NRG1: variants seen among roughly 807,000 people sequenced by gnomAD.
NRG1 encodes neuregulin 1.
A neutral mutation model predicts 63.8 loss-of-function variants in NRG1; 18 were observed. The ratio of observed to expected loss-of-function variants is 0.28; its 90% CI spans 0.19 to 0.42. The LOEUF (loss-of-function observed/expected upper bound fraction) is 0.42, where lower values mean the gene tolerates loss of function less well. Among genes scored for constraint, NRG1 ranks in the 10% least tolerant of loss-of-function variants. The probability of loss-of-function intolerance (pLI) is 1.00; values close to 1 mark genes in which losing one functional copy is unlikely to be tolerated. For missense variants in NRG1, 762 were observed against 814.7 expected (o/e 0.94, Z 0.79); for synonymous variants, 302 against 301.3 (o/e 1.00, Z -0.02).
chr8:32,746,646 C>T (rs551950361), intron 7 of NRG1, among the ~76,000 whole-genome samples: 1 of 152,066 alleles, frequency 6.6e-6, no homozygotes, highest in South Asian at 2.1e-4. Context: ...TTTTATATTG[C>T]TCAGAGCACA....
intron 5 of NRG1, among the ~76,000 whole-genome samples, chr8:32,716,325 G>A (rs1485011423): frequency 6.6e-6 from 1 of 152,186 alleles, no homozygotes; most frequent in Non-Finnish European, 1.5e-5. Context: ...ATGGAAATGT[G>A]AGGAACCGAA....
At chr8:32,626,583 G>C (rs997695911) in intron 5 of NRG1, among the ~76,000 whole-genome samples, 1 of 152,204 alleles carries the variant, frequency 6.6e-6, no homozygotes, top group Non-Finnish European at 1.5e-5. Context: ...GGGAGGCTGA[G>C]GCAGGAGAAT....
intron 1 of NRG1, among the ~76,000 whole-genome samples, chr8:31,715,078 T>C (rs375480013): frequency 6.6e-6 from 1 of 152,136 alleles, no homozygotes; most frequent in Non-Finnish European, 1.5e-5. Flanking sequence ...CCCAGAGTTA[T>C]TGCTATATTT....
At chr8:32,130,134 T>A (rs1834617989) in intron 1 of NRG1, among the ~76,000 whole-genome samples, 1 of 151,972 alleles carries the variant, frequency 6.6e-6, no homozygotes, top group Non-Finnish European at 1.5e-5. Context: ...TGGTTAGACA[T>A]TCCTTTCGTT....
At chr8:32,376,098 A>AGCTT (rs1368197794) in intron 1 of NRG1, among the ~76,000 whole-genome samples, 1 of 152,272 alleles carries the variant, frequency 6.6e-6, no homozygotes, top group Non-Finnish European at 1.5e-5. Context: ...AACATTTAAA[A>AGCTT]GCTTATAAAA....
intron 1 of NRG1, among the ~76,000 whole-genome samples, chr8:31,962,460 C>A (rs904901091): frequency 6.6e-6 from 1 of 152,058 alleles, no homozygotes; most frequent in African/African-American, 2.4e-5. Context: ...CAGTTAGTAA[C>A]TAATAAACTA....
chr8:31,673,079 C>A (rs1807325242), intron 1 of NRG1, among the ~76,000 whole-genome samples: 1 of 151,744 alleles, frequency 6.6e-6, no homozygotes, highest in Non-Finnish European at 1.5e-5. Context: ...AAAATTCCTT[C>A]TCTTTCTAAC....
At chr8:31,673,833 T>C (rs1306936539) in intron 1 of NRG1, among the ~76,000 whole-genome samples, 1 of 152,160 alleles carries the variant, frequency 6.6e-6, no homozygotes, top group Non-Finnish European at 1.5e-5. Flanking sequence ...AAATTCTCCT[T>C]TAAAGTATAC....
intron 1 of NRG1, among the ~76,000 whole-genome samples, chr8:32,084,180 A>G (rs1373533977): frequency 6.6e-6 from 1 of 152,196 alleles, no homozygotes; most frequent in Non-Finnish European, 1.5e-5. Context: ...TTTGTACTGT[A>G]ACTGCCTGCC....
At chr8:32,168,713 G>A (rs1450523503) in intron 1 of NRG1, among the ~76,000 whole-genome samples, 1 of 152,172 alleles carries the variant, frequency 6.6e-6, no homozygotes, top group Non-Finnish European at 1.5e-5. Flanking sequence ...TTTGGAGGAA[G>A]AGGAAAGCCG....
At chr8:32,454,969 G>A (rs13439816) in intron 1 of NRG1, among the ~76,000 whole-genome samples, 47,187 of 151,770 alleles carry the variant, frequency 0.31, 7,579 homozygotes, top group South Asian at 0.35. Flanking sequence ...CTTGTATTAC[G>A]GTTCTCTAGT....
intron 1 of NRG1, among the ~76,000 whole-genome samples, chr8:32,354,318 G>A (rs1166635500): frequency 3.3e-5 from 5 of 152,136 alleles, no homozygotes; most frequent in Non-Finnish European, 4.4e-5. Flanking sequence ...GCAGTGAGCC[G>A]AGATCGTGCC....
At chr8:32,463,634 G>T (rs1227885856) in intron 1 of NRG1, among the ~76,000 whole-genome samples, 3 of 151,946 alleles carry the variant, frequency 2.0e-5, no homozygotes, top group African/African-American at 7.3e-5. Context: ...CTTGAGCCAG[G>T]AGTTCGAGAC....
intron 1 of NRG1, among the ~76,000 whole-genome samples, chr8:32,135,157 G>A (rs936179144): frequency 1.3e-5 from 2 of 152,086 alleles, no homozygotes; most frequent in African/African-American, 4.8e-5. Flanking sequence ...ATAAGATGAG[G>A]GTGAAGAGAG....
chr8:31,994,174 G>A (rs1427425603), intron 1 of NRG1, among the ~76,000 whole-genome samples: 1 of 151,926 alleles, frequency 6.6e-6, no homozygotes, highest in Non-Finnish European at 1.5e-5. Flanking sequence ...TTTATAATAT[G>A]TGGGTCTGCA....
intron 5 of NRG1, among the ~76,000 whole-genome samples, chr8:32,708,271 T>C (rs1346148953): frequency 1.3e-5 from 2 of 152,150 alleles, no homozygotes; most frequent in Non-Finnish European, 1.5e-5. Flanking sequence ...CAGCTTTTAG[T>C]CTTATCTCTA....
chr8:32,616,015 T>A (rs1847295107), intron 4 of NRG1, among the ~76,000 whole-genome samples: 1 of 152,170 alleles, frequency 6.6e-6, no homozygotes, highest in Non-Finnish European at 1.5e-5. Flanking sequence ...GAACTTATCT[T>A]GGGAAATTGA....
intron 1 of NRG1, among the ~76,000 whole-genome samples, chr8:32,460,941 T>A (rs1431423847): frequency 2.0e-5 from 3 of 152,174 alleles, no homozygotes; most frequent in Admixed American, 2.0e-4. Flanking sequence ...AGACTATATA[T>A]CCTATAGGAC....
chr8:32,446,999 T>TTTTTTTTATTTATTTATTTA lies in NRG1; in HGVS notation c.38-148826_38-148825insTTTTATTTATTTATTTATTT, dbSNP rs1554544525. 2.7e-5 allele frequency among the ~76,000 whole-genome samples: 4 copies of TTTTTTTTATTTATTTATTTA among 146,344 alleles called. No individual in the cohort carries two copies. In the East Asian group the frequency reaches 8.0e-4, roughly 29 times the overall value. ...TTAGCGCTCAGAAAACTAAAATACT[T>TTTTTTTTATTTATTTATTTA]TTTATTTATTTATTTATTTATTTAT... is the stretch of plus-strand genomic sequence containing the variant. On this transcript the variant is annotated intron_variant, in intron 1 of 10. Transcript: ENST00000519301.
Sources: gnomAD v4.1 joint callset for allele counts (sites outside exome capture counted in the v4.1 genomes callset) on GRCh38, gnomAD v4.1.1 for gene constraint, MANE v1.5 for transcripts, NCBI Gene and HGNC (gene_info 2026-07-23, HGNC 2026-07-21) for gene names.